Variants in FRY observed in about 807,000 individuals in gnomAD.
The protein encoded by FRY is FRY microtubule binding protein, also known as protein furry homolog.
Under a neutral mutation model 348.4 loss-of-function variants are expected in FRY, and 128 were observed. The ratio of observed to expected loss-of-function variants is 0.37; its 90% CI spans 0.32 to 0.43. FRY has a LOEUF of 0.43. Ranked by LOEUF, FRY falls within the 20% of genes least tolerant of loss-of-function variation. The pLI is 1.00. For synonymous variants in FRY, 1,370 were observed against 1,374.7 expected, an observed-to-expected ratio of 1.00 and a Z score of 0.08; for missense variants, 2,736 against 3,695.2, an observed-to-expected ratio of 0.74 and a Z score of 6.73.
chr13:32,094,517 T>C (rs1876559473), intron 2 of FRY, among the ~76,000 whole-genome samples: 1 of 151,264 alleles, frequency 6.6e-6, no homozygotes, highest in African/African-American at 2.4e-5. Flanking sequence ...AACCCCCCAC[T>C]ATCCTTCCCA....
At position 32,252,636 on chromosome 13, in the gene FRY, AATAAC is replaced by A. The variant is rs569232097; in HGVS notation, c.7245+686_7245+690del. 2.6e-3 allele frequency among the ~76,000 whole-genome samples: 396 copies of A among 152,274 alleles called. 4 individuals carry two copies. The highest frequency in any genetic ancestry group is 4.3e-3 in the Admixed American group (65 of 15,290). Reference sequence around the variant, plus strand: ...GAATATTTATTATTTATGAAAAAGAAATAACAAACTAATTTCTCAACTGAAGTAAG... The same window carrying A: ...GAATATTTATTATTTATGAAAAAGAAAAACTAATTTCTCAACTGAAGTAAG... On this transcript the variant is annotated intron_variant, in intron 50 of 60. Transcript: ENST00000542859.
intron 41 of FRY, among the ~76,000 whole-genome samples, chr13:32,233,559 C>T (rs1886034614): frequency 6.6e-6 from 1 of 152,232 alleles, no homozygotes; most frequent in Non-Finnish European, 1.5e-5. Context: ...ACAGTATCTA[C>T]ACTTCAATAT....
At chr13:32,054,836 C>T (rs1273877688) in intron 1 of FRY, among the ~76,000 whole-genome samples, 2 of 152,108 alleles carry the variant, frequency 1.3e-5, no homozygotes, top group African/African-American at 4.8e-5. Flanking sequence ...GATTGCGCCA[C>T]TGCACTCCAG....
intron 28 of FRY, among the ~76,000 whole-genome samples, chr13:32,188,388 A>C (rs1220926191): frequency 6.6e-6 from 1 of 152,122 alleles, no homozygotes; most frequent in East Asian, 1.9e-4. Flanking sequence ...AGAAGTCAGA[A>C]GGAGCCAAAT....
intron 1 of FRY, among the ~76,000 whole-genome samples, chr13:32,033,526 T>C (rs1175463801): frequency 6.6e-6 from 1 of 152,256 alleles, no homozygotes; most frequent in Non-Finnish European, 1.5e-5. Flanking sequence ...ATAAAGTATA[T>C]ATTCTCTCCA....
intron 8 of FRY, 48 bp from the exon 9 acceptor site, chr13:32,134,856 T>C (rs9590780): frequency 0.23 from 251,461 of 1,101,092 alleles, 30,186 homozygotes; most frequent in Middle Eastern, 0.29. Flanking sequence ...ATTCTATGTG[T>C]ACATTTCAAC....
At chr13:32,262,196 A>G in intron 52 of FRY, 118 bp from the exon 53 acceptor site, 1 of 788,028 alleles carries the variant, frequency 1.3e-6, no homozygotes, top group Non-Finnish European at 2.2e-6. Flanking sequence ...AGGCCCAATA[A>G]TGGTGAAATG....
Position 32,149,782 on chromosome 13 carries a change from T to G in FRY, c.1427T>G (p.Phe476Cys), listed in dbSNP as rs1566098194. The G allele has an allele frequency of 6.2e-7, 1 of 1,610,398 alleles. No individual in the cohort carries two copies. Among genetic ancestry groups the G allele is most frequent in the Non-Finnish European group, 8.5e-7 (1 of 1,176,592 alleles). ...GATTTTGCAATGAAAGAAATCATTTTCGATTTTCTTTGTGTGGGAAAACCA... is the reference window on the plus strand; with the variant it reads ...GATTTTGCAATGAAAGAAATCATTTGCGATTTTCTTTGTGTGGGAAAACCA... ...RLDFAMKEII[F>C]DFLCVGKPAK... The change falls in exon 14 of 61, where the codon TTC becomes TGC. Residue 476 changes from phenylalanine to cysteine, a missense_variant. Around this residue, in one of 9 missense-constraint regions of FRY, gnomAD observed 191 missense variants for 370.2 expected, o/e 0.52. Coordinates refer to ENST00000542859, the MANE Select transcript of FRY (RefSeq NM_023037.3).
intron 3 of FRY, among the ~76,000 whole-genome samples, chr13:32,117,032 G>A (rs1208951311): frequency 6.6e-6 from 1 of 152,116 alleles, no homozygotes; most frequent in African/African-American, 2.4e-5. Context: ...ATGAACGTGG[G>A]AACATAATAT....
chr13:32,050,056 G>A (rs968026090), intron 1 of FRY, among the ~76,000 whole-genome samples: 1 of 152,222 alleles, frequency 6.6e-6, no homozygotes, highest in Non-Finnish European at 1.5e-5. Flanking sequence ...CAGTGGTGTT[G>A]TATAGCTGCT....
intron 29 of FRY, among the ~76,000 whole-genome samples, chr13:32,196,515 T>C (rs1467351040): frequency 6.6e-6 from 1 of 152,134 alleles, no homozygotes; most frequent in Non-Finnish European, 1.5e-5. Flanking sequence ...ATGGGGAAAA[T>C]GGTTCTCTAC....
At chr13:32,057,361 AG>A (rs1332996893) in intron 1 of FRY, among the ~76,000 whole-genome samples, 8 of 152,026 alleles carry the variant, frequency 5.3e-5, no homozygotes, top group South Asian at 2.1e-4. Context: ...TAGTAGAGAC[AG>A]GGTTTCACCA....
chr13:32,079,284 T>G (rs1875318752), intron 2 of FRY, among the ~76,000 whole-genome samples: 1 of 152,148 alleles, frequency 6.6e-6, no homozygotes, highest in South Asian at 2.1e-4. Flanking sequence ...CATTTTGGAC[T>G]AATAAGCTTA....
chr13:32,079,745 G>GGAAT (rs1423113536), intron 2 of FRY, among the ~76,000 whole-genome samples: 3 of 152,148 alleles, frequency 2.0e-5, no homozygotes, highest in African/African-American at 7.2e-5. Flanking sequence ...AAGGAAGGAA[G>GGAAT]CGCAATTGGT....
chr13:32,186,158 A>T (rs1328269361), intron 26 of FRY, 102 bp from the exon 27 acceptor site: 2 of 922,066 alleles, frequency 2.2e-6, no homozygotes, highest in East Asian at 2.4e-5. Context: ...AACTGTAGTT[A>T]AAAAATGAAG....
At chr13:32,276,045 A>G (rs1888520510) in intron 56 of FRY, among the ~76,000 whole-genome samples, 1 of 152,168 alleles carries the variant, frequency 6.6e-6, no homozygotes. Flanking sequence ...ACAATATGAA[A>G]AGTCATTCTG....
At chr13:32,211,851 C>T (rs1193955339) in intron 34 of FRY, among the ~76,000 whole-genome samples, 1 of 152,152 alleles carries the variant, frequency 6.6e-6, no homozygotes, top group Admixed American at 6.5e-5. Context: ...TCTGTTCGCC[C>T]TACACCCTGC....
chr13:32,047,589 GT>G lies in FRY; in HGVS notation c.70+15725del, dbSNP rs201639805. Among the ~76,000 whole-genome samples, 219 of 147,780 alleles carry G rather than the reference GT, an allele frequency of 1.5e-3. 2 individuals are homozygous for G. Among genetic ancestry groups the G allele is most frequent in the African/African-American group, 5.1e-3 (207 of 40,796 alleles). On this transcript the variant is annotated intron_variant, in intron 1 of 60. Transcript: ENST00000542859. ...TTTCTTTTCTTTTTTTTTGGGGGGG[GT>G]GCAGAGTTTCACTCTTGTTGCCCAG...
At chr13:32,247,986 G>A (rs999441680) in intron 48 of FRY, among the ~76,000 whole-genome samples, 6 of 152,148 alleles carry the variant, frequency 3.9e-5, no homozygotes, top group African/African-American at 1.4e-4. Context: ...GAGAGAGAGG[G>A]AGGAGCAAAA....
Sources: gnomAD v4.1 joint callset for allele counts (sites outside exome capture counted in the v4.1 genomes callset) on GRCh38, gnomAD v4.1.1 for gene constraint, gnomAD v4.1.1 regional missense constraint, MANE v1.5 for transcripts, NCBI Gene and HGNC (gene_info 2026-07-23, HGNC 2026-07-21) for gene names.